Variants in CPNE3 observed in about 807,000 individuals in gnomAD.
The protein encoded by CPNE3 is copine 3.
Under a neutral mutation model 63.9 loss-of-function variants are expected in CPNE3, and 68 were observed. The ratio of observed to expected loss-of-function variants is 1.06; its 90% CI spans 0.87 to 1.30. The LOEUF (loss-of-function observed/expected upper bound fraction) is 1.30, where lower values mean the gene tolerates loss of function less well. CPNE3 is among the 50% of genes most tolerant of loss of function. CPNE3 has a pLI of 0.00. For synonymous variants in CPNE3, 219 were observed against 197.5 expected (o/e 1.11, Z -0.91); for missense variants, 665 against 578.1 (o/e 1.15, Z -1.54).
intron 6 of CPNE3, 47 bp from the exon 7 acceptor site, chr8:86,537,516 G>T: frequency 8.7e-7 from 1 of 1,152,054 alleles, no homozygotes. Context: ...ATGGTTTCAT[G>T]GGTTCAGAGG....
At chr8:86,547,667 G>A (rs750717749) in intron 10 of CPNE3, 44 bp from the exon 11 acceptor site, 4 of 842,258 alleles carry the variant, frequency 4.7e-6, no homozygotes, top group South Asian at 2.9e-5. Context: ...TGCTTCTCTT[G>A]TATAGTAGGA....
At chr8:86,557,053 C>G (rs543594211) in intron 16 of CPNE3, among the ~76,000 whole-genome samples, 2 of 152,316 alleles carry the variant, frequency 1.3e-5, no homozygotes, top group Non-Finnish European at 2.9e-5. Context: ...AACCGTTACC[C>G]CACAGAAGGA....
rs189248469 is a variant in CPNE3 at position 86,525,351 on chromosome 8, A to T, written c.-10-3185A>T. On this transcript the variant is annotated intron_variant, in intron 2 of 16. Transcript: ENST00000517490. ...TAAAAAATTGTATATCATGTACTGG[A>T]TAATTACATTAAAAGGAAATGAAAA... is the stretch of plus-strand genomic sequence containing the variant. 1.8e-3 allele frequency among the ~76,000 whole-genome samples: 273 copies of T among 152,326 alleles called. 3 individuals carry two copies. The East Asian group carries it at 0.033, about 18-fold the overall frequency.
intron 2 of CPNE3, 75 bp from the exon 3 acceptor site, chr8:86,528,461 C>T (rs996988912): frequency 6.5e-7 from 1 of 1,541,094 alleles, no homozygotes; most frequent in African/African-American, 1.4e-5. Flanking sequence ...AAGAAGTCAC[C>T]TGTTTTTGTT....
rs1433924018 is a variant in CPNE3 at position 86,544,795 on chromosome 8, A to G, written c.689A>G (p.Gln230Arg). ...DGSHDLIGTFQTTMTKLKEAS... is the reference protein window; with the variant it reads ...DGSHDLIGTFRTTMTKLKEAS... ...TCACATGATCTCATTGGAACATTTC[A>G]GACCACCATGACAAAACTGAAAGAA... Residue 230 changes from glutamine to arginine, a missense_variant, in exon 9 of 17, where the codon CAG (glutamine) becomes CGG (arginine). By Grantham distance (43) the Gln-to-Arg change is conservative. Transcript: ENST00000517490. 1.3e-6 allele frequency: 2 copies of G among 1,596,728 alleles called. No individual in the cohort carries two copies. Among genetic ancestry groups the G allele is most frequent in the African/African-American group, 1.4e-5 (1 of 73,936 alleles).
rs1163047568 is a variant in CPNE3 at position 86,559,475 on chromosome 8, A to G, written c.*1065A>G. ...ATCTGATTTTTAAACTCACGATACCAGTTATCTGTTAATCAAAATTGCATT... is the reference window on the plus strand; with the variant it reads ...ATCTGATTTTTAAACTCACGATACCGGTTATCTGTTAATCAAAATTGCATT... On this transcript the variant is annotated 3_prime_UTR_variant, in exon 17 of 17. Transcript: ENST00000517490. The G allele has an allele frequency of 1.3e-5, 2 of 152,156 alleles. No individual in the cohort carries two copies. Among genetic ancestry groups the G allele is most frequent in the Non-Finnish European group, 2.9e-5 (2 of 68,030 alleles). The allele number at this position is 152,156 out of a possible 1,614,324, so 9.4% of individuals were successfully genotyped here.
At chr8:86,553,277 A>G (rs76366085) in intron 14 of CPNE3, among the ~76,000 whole-genome samples, 2 of 152,012 alleles carry the variant, frequency 1.3e-5, no homozygotes, top group African/African-American at 4.8e-5. Context: ...AAGGTTGTTC[A>G]TAAGACTACC....
chr8:86,534,015 AC>A (rs1820745425), intron 6 of CPNE3, among the ~76,000 whole-genome samples: 2 of 151,996 alleles, frequency 1.3e-5, no homozygotes, highest in Admixed American at 1.3e-4. Context: ...AGTCCCAGCT[AC>A]TCAGGAGACT....
At position 86,547,771 on chromosome 8, in the gene CPNE3, G is replaced by T; in HGVS notation, c.879+1G>T. 1 of 1,275,930 alleles carries T rather than the reference G, an allele frequency of 7.8e-7. No individual in the cohort carries two copies. The highest frequency in any genetic ancestry group is 1.1e-6 in the Non-Finnish European group (1 of 875,946). 79.0% of individuals were successfully genotyped at this position (1,275,930 alleles called of 1,614,324 possible). A position where few individuals can be genotyped will look rare whatever the true frequency, so the allele number is the denominator to read the frequency against. The stretch of plus-strand genomic sequence containing the variant: ...GGGAGGATGTCAGCTGAATTTTACT[G>T]TAAGTAACACACTGAATTTTTCAGC... On this transcript the variant is annotated splice_donor_variant, in intron 11 of 16. Coordinates refer to ENST00000517490, the MANE Select transcript of CPNE3 (RefSeq NM_003909.5). LOFTEE classifies it high-confidence loss of function.
At position 86,548,350 on chromosome 8, in the gene CPNE3, C is replaced by G; in HGVS notation, c.929C>G (p.Ser310Cys). Residue 310 changes from serine (S) to cysteine (C), a missense_variant, in exon 12 of 17, where the codon TCC becomes TGC. Coordinates refer to ENST00000517490, the MANE Select transcript of CPNE3 (RefSeq NM_003909.5). ...GSNGDPRSPD[S>C]LHYISPNGVN... is the part of the protein sequence containing the mutation. ...AATGGTGACCCAAGGTCTCCAGACT[C>G]CCTTCATTACATCAGCCCCAATGGC... 6.2e-7 allele frequency: 1 copy of G among 1,614,114 alleles called. No individual in the cohort carries two copies. The highest frequency in any genetic ancestry group is 8.5e-7 in the Non-Finnish European group (1 of 1,179,994).
At chr8:86,534,558 A>T (rs1820760383) in intron 6 of CPNE3, among the ~76,000 whole-genome samples, 1 of 152,162 alleles carries the variant, frequency 6.6e-6, no homozygotes, top group African/African-American at 2.4e-5. Flanking sequence ...TGGGAGGCTG[A>T]GGCAGGAGAA....
intron 7 of CPNE3, among the ~76,000 whole-genome samples, chr8:86,539,069 C>T (rs974918697): frequency 3.3e-5 from 5 of 151,248 alleles, no homozygotes; most frequent in Non-Finnish European, 3.0e-5. Context: ...GCAGGCATTC[C>T]TCTTTCATCT....
intron 12 of CPNE3, among the ~76,000 whole-genome samples, chr8:86,550,235 A>C (rs1315227349): frequency 6.6e-6 from 1 of 152,168 alleles, no homozygotes; most frequent in Non-Finnish European, 1.5e-5. Flanking sequence ...GACAGACTAC[A>C]AACTGGGGAA....
chr8:86,544,284 A>G (rs2131475951), intron 8 of CPNE3, among the ~76,000 whole-genome samples: 1 of 152,328 alleles, frequency 6.6e-6, no homozygotes, highest in East Asian at 1.9e-4. Context: ...TCATAATTCT[A>G]AAGTATCTAG....
rs2131453450 is a variant in CPNE3, at chr8:86,533,577, T to C, written c.459+997T>C. On this transcript the variant is annotated intron_variant, in intron 6 of 16. Transcript: ENST00000517490. ...AACACTTAAAGAAAACATTTTAGAC[T>C]ATAGGCTGGGGACTTTTTTTTTTTA... 2.0e-5 allele frequency among the ~76,000 whole-genome samples: 3 copies of C among 151,148 alleles called. No homozygotes were observed. The Middle Eastern group carries it at 0.01, about 525-fold the overall frequency.
At chr8:86,535,128 G>A (rs1356109216) in intron 6 of CPNE3, among the ~76,000 whole-genome samples, 1 of 151,926 alleles carries the variant, frequency 6.6e-6, no homozygotes, top group African/African-American at 2.4e-5. Context: ...AGTTCTTTTT[G>A]TCTTTAATAA....
intron 2 of CPNE3, among the ~76,000 whole-genome samples, chr8:86,526,785 T>G (rs1820550371): frequency 6.6e-6 from 1 of 152,174 alleles, no homozygotes; most frequent in Non-Finnish European, 1.5e-5. Flanking sequence ...GTGCTGGGAG[T>G]ACAGGTGTGA....
At position 86,529,125 on chromosome 8, in the gene CPNE3, G is replaced by A; in HGVS notation, c.312+1G>A. ...GGAATGTGAATGTACCCTTGGACAA[G>A]TAAGTATAAATAGCCACTGTACTCT... On this transcript the variant is annotated splice_donor_variant, in intron 4 of 16. Coordinates refer to ENST00000517490, the MANE Select transcript of CPNE3 (RefSeq NM_003909.5). LOFTEE classifies it high-confidence loss of function. The A allele has an allele frequency of 6.2e-7, 1 of 1,611,432 alleles. No homozygotes were observed. The highest frequency in any genetic ancestry group is 8.5e-7 in the Non-Finnish European group (1 of 1,178,478).
chr8:86,514,895 G>A (rs976383698), intron 1 of CPNE3, among the ~76,000 whole-genome samples: 1 of 152,222 alleles, frequency 6.6e-6, no homozygotes, highest in Non-Finnish European at 1.5e-5. Flanking sequence ...CCTTCCCTGG[G>A]CGGAGAGGGT....
Sources: allele counts gnomAD v4.1 joint callset (sites outside exome capture counted in the v4.1 genomes callset), GRCh38; gene constraint gnomAD v4.1.1; transcripts MANE v1.5; gene names NCBI Gene and HGNC (gene_info 2026-07-23, HGNC 2026-07-21).